CERS5: variants seen among roughly 807,000 people sequenced by gnomAD.
CERS5 encodes the protein LAG1 homolog, ceramide synthase 5.
Under a neutral mutation model 58.9 loss-of-function variants are expected in CERS5, and 37 were observed. The ratio of observed to expected loss-of-function variants is 0.63; its 90% CI spans 0.48 to 0.83. CERS5 has a LOEUF of 0.83. CERS5 is among the 40% of genes least tolerant of loss of function. The pLI, the probability that CERS5 is intolerant of heterozygous loss-of-function variation, is 0.00. For missense variants in CERS5, 398 were observed against 489.3 expected, an observed-to-expected ratio of 0.81 and a Z score of 1.76; for synonymous variants, 147 against 177.8, an observed-to-expected ratio of 0.83 and a Z score of 1.38.
intron 8 of CERS5, chr12:50,135,308 AGT>A (rs56858635): frequency 0.068 from 11,476 of 168,360 alleles, 499 homozygotes; most frequent in Non-Finnish European, 0.078. Context: ...GAGAGAGAGG[AGT>A]GTGTGTGTGT....
Position 50,166,988 on chromosome 12 carries a change from G to C in CERS5, c.197+113C>G, listed in dbSNP as rs1939973479. ...ACCCGCCGCGGCCCAAGCTCCCCCA[G>C]CCCCTGCTTCCGGGCTTTCCTTGCA... is the stretch of plus-strand genomic sequence containing the variant. On this transcript the variant is annotated intron_variant, in intron 1 of 9. Coordinates refer to ENST00000317551, the MANE Select transcript of CERS5 (RefSeq NM_147190.5). 9 of 895,420 alleles carry C rather than the reference G, an allele frequency of 1.0e-5. No homozygotes were observed. In the Admixed American group the frequency reaches 2.7e-4, roughly 27 times the overall value. 55.5% of individuals were successfully genotyped at this position (895,420 alleles called of 1,614,324 possible). A position where few individuals can be genotyped will look rare whatever the true frequency, so the allele number is the denominator to read the frequency against.
intron 3 of CERS5, 122 bp from the exon 4 acceptor site, chr12:50,142,232 T>C: frequency 1.5e-6 from 1 of 659,712 alleles, no homozygotes; most frequent in Non-Finnish European, 2.7e-6. Context: ...GATCAATTCC[T>C]AGAATAGGCA....
intron 2 of CERS5, 177 bp downstream of exon 2, chr12:50,143,775 G>C (rs1952109113): frequency 1.9e-6 from 1 of 516,942 alleles, no homozygotes; most frequent in Non-Finnish European, 3.5e-6. Context: ...GACATACGTA[G>C]GGCCCAAAGG....
At chr12:50,161,670 A>G (rs1939274453) in intron 1 of CERS5, among the ~76,000 whole-genome samples, 1 of 150,482 alleles carries the variant, frequency 6.6e-6, no homozygotes, top group Admixed American at 6.7e-5. Flanking sequence ...CTAGCTACTC[A>G]AGAGGCTGAG....
intron 1 of CERS5, among the ~76,000 whole-genome samples, chr12:50,155,736 C>CAAAAAAAAAA (rs146913126): frequency 4.7e-5 from 1 of 21,478 alleles, no homozygotes; most frequent in African/African-American, 2.0e-4. Context: ...GACTCCATCT[C>CAAAAAAAAAA]AAAAAAAAAA....
intron 1 of CERS5, 47 bp downstream of exon 1, chr12:50,167,054 C>T: frequency 7.1e-7 from 1 of 1,417,876 alleles, no homozygotes; most frequent in Non-Finnish European, 9.3e-7. Flanking sequence ...AGCGGGGCGC[C>T]CCCGGCCCGC....
At position 50,141,328 on chromosome 12, in the gene CERS5, A is replaced by G. The variant is rs140101018; in HGVS notation, c.492+725T>C. Among the ~76,000 whole-genome samples the G allele has an allele frequency of 2.1e-3, 327 of 152,300 alleles. 1 individual carries two copies. The highest frequency in any genetic ancestry group is 7.5e-3 in the African/African-American group (311 of 41,574). On this transcript the variant is annotated intron_variant, in intron 4 of 9. Transcript: ENST00000317551. ...TGGCCTCCCAAAGTGTTAAAATTAC[A>G]GGTGTGAGCCACTGTGCCTGGCCCC...
intron 1 of CERS5, among the ~76,000 whole-genome samples, chr12:50,160,657 C>T (rs1489212563): frequency 6.6e-6 from 1 of 152,196 alleles, no homozygotes; most frequent in Middle Eastern, 3.2e-3. Flanking sequence ...TCAATATTGT[C>T]TCAAACTCCT....
In CERS5 at chr12:50,134,649, G is replaced by A; in HGVS notation, c.926C>T (p.Ser309Leu). ...ESWEIIGPYA[S>L]WWLLNGLLLT... is the part of the protein sequence containing the mutation. Reference sequence around the variant, plus strand: ...CAGCAGGCCATTGAGGAGCCACCATGAAGCATAAGGCCCGATTATCTCCCA... The same window carrying A: ...CAGCAGGCCATTGAGGAGCCACCATAAAGCATAAGGCCCGATTATCTCCCA... Residue 309 changes from serine (S) to leucine (L), a missense_variant, in exon 9 of 10, where the codon TCA (serine) becomes TTA (leucine). Ser to Leu is a moderately radical substitution (Grantham distance 145). Around this residue, in one of 3 missense-constraint regions of CERS5, gnomAD observed 23 missense variants for 54.6 expected, o/e 0.42. Transcript: ENST00000317551. 3.7e-6 allele frequency: 6 copies of A among 1,614,160 alleles called. No individual in the cohort carries two copies. Among genetic ancestry groups the A allele is most frequent in the Non-Finnish European group, 5.1e-6 (6 of 1,180,016 alleles).
At position 50,135,822 on chromosome 12, in the gene CERS5, T is replaced by C; in HGVS notation, c.782A>G (p.Asn261Ser). ...DFLLEAAKLANYAKYQRLCDT... is the reference protein window; with the variant it reads ...DFLLEAAKLASYAKYQRLCDT... ...ACAGAGCCGCTGATACTTGGCATAA[T>C]TGGCCAGTTTGGCTGCCTGGAGAAA... Residue 261 changes from asparagine (N) to serine (S), a missense_variant, in exon 8 of 10, where the codon AAT becomes AGT. This residue lies in a region of CERS5 where 328 missense variants were observed against 384.5 expected (regional missense o/e 0.85). Transcript: ENST00000317551. 1.2e-6 allele frequency: 2 copies of C among 1,613,864 alleles called. No homozygotes were observed. Among genetic ancestry groups the C allele is most frequent in the Non-Finnish European group, 1.7e-6 (2 of 1,179,920 alleles).
chr12:50,143,653 G>GA, intron 2 of CERS5: 1 of 328,162 alleles, frequency 3.0e-6, no homozygotes, highest in Non-Finnish European at 5.7e-6. Context: ...ACTAGGCAGT[G>GA]ACAGAAACTG....
rs556418498 is a variant in CERS5 at position 50,130,449 on chromosome 12, C to CCAAT, written c.*92_*95dup. The CCAAT allele has an allele frequency of 4.2e-5, 49 of 1,178,750 alleles. No individual in the cohort carries two copies. The African/African-American group carries it at 5.4e-4, about 13-fold the overall frequency. The allele number at this position is 1,178,750 out of a possible 1,614,324, so 73.0% of individuals were successfully genotyped here. On this transcript the variant is annotated 3_prime_UTR_variant, in exon 10 of 10. Coordinates refer to ENST00000317551, the MANE Select transcript of CERS5 (RefSeq NM_147190.5). The stretch of plus-strand genomic sequence containing the variant: ...ATACTCCTCAGTGCCTTGCAGTCTC[C>CCAAT]CAATCACAGAAGAGTAGATATGGGA...
intron 9 of CERS5, 150 bp downstream of exon 9, chr12:50,134,396 T>C: frequency 6.3e-7 from 1 of 1,585,704 alleles, no homozygotes; most frequent in Non-Finnish European, 8.5e-7. Flanking sequence ...GGCAAAACAC[T>C]TACCGAAGAG....
intron 9 of CERS5, among the ~76,000 whole-genome samples, chr12:50,131,428 G>A (rs900029170): frequency 5.3e-5 from 8 of 151,708 alleles, no homozygotes; most frequent in South Asian, 2.1e-4. Context: ...GTGTGGTGGC[G>A]CGCACCTGTA....
intron 1 of CERS5, among the ~76,000 whole-genome samples, chr12:50,146,354 A>T (rs1205314105): frequency 6.6e-6 from 1 of 152,238 alleles, no homozygotes; most frequent in African/African-American, 2.4e-5. Flanking sequence ...CCTCCAGCAG[A>T]AAGTGAGAAG....
In CERS5 at chr12:50,130,587, C is replaced by A; in HGVS notation, c.1137G>T (p.Arg379=). The A allele has an allele frequency of 6.2e-7, 1 of 1,612,220 alleles. No individual in the cohort carries two copies. Among genetic ancestry groups the A allele is most frequent in the African/African-American group, 1.3e-5 (1 of 75,034 alleles). ...CDSSSSNGAN[R]VNGHMGGSYW... is the part of the protein sequence containing the mutation. ...AGCTGCCTCCCATGTGACCATTCACCCGATTGGCACCATTGCTGGAGCTAC... is the reference window on the plus strand; with the variant it reads ...AGCTGCCTCCCATGTGACCATTCACACGATTGGCACCATTGCTGGAGCTAC... Residue 379 remains arginine (R), a synonymous_variant, in exon 10 of 10, where the codon CGG becomes CGT. Coordinates refer to ENST00000317551, the MANE Select transcript of CERS5 (RefSeq NM_147190.5).
intron 9 of CERS5, among the ~76,000 whole-genome samples, chr12:50,131,707 G>T (rs1223907075): frequency 6.6e-6 from 1 of 152,038 alleles, no homozygotes; most frequent in Non-Finnish European, 1.5e-5. Flanking sequence ...ATTAACCTGG[G>T]TTTTTTTGTT....
In CERS5 at chr12:50,130,181, T is replaced by C. The variant is rs7532; in HGVS notation, c.*364A>G. ...CAAAAAAGAAGGAGAAGTCTGGAGT[T>C]GGCATAATTCAAGATGCAGCCAAAT... On this transcript the variant is annotated 3_prime_UTR_variant, in exon 10 of 10. Transcript: ENST00000317551. The C allele has an allele frequency of 0.7, 123,886 of 176,074 alleles. 45,023 individuals are homozygous for C. The highest frequency in any genetic ancestry group is 0.92 in the East Asian group (5,910 of 6,436). The allele number at this position is 176,074 out of a possible 1,614,324, so 10.9% of individuals were successfully genotyped here.
At chr12:50,140,187 G>A (rs1042189414) in intron 4 of CERS5, among the ~76,000 whole-genome samples, 1 of 149,372 alleles carries the variant, frequency 6.7e-6, no homozygotes, top group African/African-American at 2.5e-5. Context: ...CAGAAATTTT[G>A]ATATGATTTT....
Sources: gnomAD v4.1 joint callset for allele counts (sites outside exome capture counted in the v4.1 genomes callset) on GRCh38, gnomAD v4.1.1 for gene constraint, gnomAD v4.1.1 regional missense constraint, MANE v1.5 for transcripts, NCBI Gene and HGNC (gene_info 2026-07-23, HGNC 2026-07-21) for gene names.